ZHX3: variants seen among roughly 807,000 people sequenced by gnomAD.
ZHX3 encodes the protein zinc fingers and homeoboxes protein 3.
Under a neutral mutation model 64.5 loss-of-function variants are expected in ZHX3, and 20 were observed. The observed-to-expected ratio is 0.31, with a 90% CI of 0.22 to 0.45. ZHX3 has a LOEUF of 0.45. Ranked by LOEUF, ZHX3 falls within the 20% of genes least tolerant of loss-of-function variation. The probability of loss-of-function intolerance (pLI) is 1.00; values close to 1 mark genes in which losing one functional copy is unlikely to be tolerated. For missense variants in ZHX3, 1,041 were observed against 1,195.8 expected (o/e 0.87, Z 1.91); for synonymous variants, 423 against 461.6 (o/e 0.92, Z 1.07).
intron 2 of ZHX3, among the ~76,000 whole-genome samples, chr20:41,264,054 A>C (rs2146583126): frequency 6.6e-6 from 1 of 152,296 alleles, no homozygotes; most frequent in East Asian, 1.9e-4. Context: ...TTTTAATCAA[A>C]AATGTAAAAT....
At chr20:41,305,887 ATC>A (rs1264618298) in intron 1 of ZHX3, among the ~76,000 whole-genome samples, 1 of 152,182 alleles carries the variant, frequency 6.6e-6, no homozygotes, top group Non-Finnish European at 1.5e-5. Flanking sequence ...GCAAAAAGTA[ATC>A]TTCTACTATT....
At chr20:41,295,498 A>C (rs2044463105) in intron 1 of ZHX3, among the ~76,000 whole-genome samples, 1 of 152,206 alleles carries the variant, frequency 6.6e-6, no homozygotes. Flanking sequence ...AATTTTCTAG[A>C]GTATTAGAAT....
chr20:41,241,634 G>A (rs1053314559), intron 2 of ZHX3, among the ~76,000 whole-genome samples: 8 of 152,154 alleles, frequency 5.3e-5, no homozygotes, highest in African/African-American at 1.7e-4. Flanking sequence ...ATATCATGCT[G>A]TTTTGGTTAC....
At position 41,204,410 on chromosome 20, in the gene ZHX3, A is replaced by C. The variant is rs1303029105; in HGVS notation, c.507T>G (p.Ser169Arg). Residue 169 changes from serine (S) to arginine (R), a missense_variant, in exon 3 of 4, where the codon AGT (serine) becomes AGG (arginine). Transcript: ENST00000683867. This position sits in a 1 kb window ranked among gnomAD's most constrained non-coding sequence, Gnocchi z 6.6. Reference sequence around the variant, plus strand: ...CTGCCTGTCCATCAGCCCCTTCAGCACTGGGCTCACCCGCTAGGTCAGGAG... The same window carrying C: ...CTGCCTGTCCATCAGCCCCTTCAGCCCTGGGCTCACCCGCTAGGTCAGGAG... ...TSTPDLAGEP[S>R]AEGADGQAEI... The C allele has an allele frequency of 6.2e-7, 1 of 1,614,170 alleles. No homozygotes were observed. The highest frequency in any genetic ancestry group is 2.2e-5 in the East Asian group (1 of 44,878).
chr20:41,216,107 T>TA (rs1183039944), intron 2 of ZHX3, among the ~76,000 whole-genome samples: 1 of 152,174 alleles, frequency 6.6e-6, no homozygotes, highest in Non-Finnish European at 1.5e-5. Context: ...GACATGAATA[T>TA]AGTCTTGAGT....
At chr20:41,295,700 A>C (rs576042754) in intron 1 of ZHX3, among the ~76,000 whole-genome samples, 15 of 152,204 alleles carry the variant, frequency 9.9e-5, no homozygotes, top group Non-Finnish European at 1.8e-4. Context: ...AATACAAAAA[A>C]GTTAGCCAGG....
Position 41,287,152 on chromosome 20 carries a change from T to C in ZHX3, c.-244-18069A>G, listed in dbSNP as rs145071819. ...CTTTGACTTACTATTCATTCTGATT[T>C]GAATAACAGGAATCAATCATTTATC... On this transcript the variant is annotated intron_variant, in intron 1 of 3. Coordinates refer to ENST00000683867, the MANE Select transcript of ZHX3 (RefSeq NM_001384317.1). Among the ~76,000 whole-genome samples the C allele has an allele frequency of 3.3e-4, 50 of 152,320 alleles. No homozygotes were observed. In the East Asian group the frequency reaches 9.5e-3, roughly 29 times the overall value.
Position 41,183,530 on chromosome 20 carries a change from C to T in ZHX3, c.*1661G>A, listed in dbSNP as rs1471924188. ...GCTTGTCCTTGGAGCCACATGAGCACGGTGCCCTGCCAGGTCCAGTTCCCT... is the reference window on the plus strand; with the variant it reads ...GCTTGTCCTTGGAGCCACATGAGCATGGTGCCCTGCCAGGTCCAGTTCCCT... On this transcript the variant is annotated 3_prime_UTR_variant, in exon 4 of 4. Coordinates refer to ENST00000683867, the MANE Select transcript of ZHX3 (RefSeq NM_001384317.1). The surrounding 1 kb of genome is among the most constrained non-coding windows in gnomAD (Gnocchi z 5.3). 6.6e-6 allele frequency: 1 copy of T among 152,230 alleles called. No homozygotes were observed. Among genetic ancestry groups the T allele is most frequent in the Admixed American group, 6.5e-5 (1 of 15,286 alleles). The allele number at this position is 152,230 out of a possible 1,614,324, so 9.4% of individuals were successfully genotyped here. A position where few individuals can be genotyped will look rare whatever the true frequency, so the allele number is the denominator to read the frequency against.
intron 1 of ZHX3, among the ~76,000 whole-genome samples, chr20:41,273,266 TTTTG>T (rs150784395): frequency 0.012 from 1,808 of 152,294 alleles, 17 homozygotes; most frequent in Non-Finnish European, 0.02. Flanking sequence ...TTTCGTTTTG[TTTTG>T]TTTGTTTTTT....
chr20:41,208,750 A>G (rs1424936351), intron 2 of ZHX3, among the ~76,000 whole-genome samples: 1 of 152,210 alleles, frequency 6.6e-6, no homozygotes, highest in Non-Finnish European at 1.5e-5. Flanking sequence ...GAATGGGCAA[A>G]AACTGGAAGC....
At chr20:41,295,783 G>A (rs112664369) in intron 1 of ZHX3, among the ~76,000 whole-genome samples, 2,251 of 151,882 alleles carry the variant, frequency 0.015, 31 homozygotes, top group Non-Finnish European at 0.023. Context: ...CCCGGGAGGC[G>A]GAGCTTGCAG....
chr20:41,298,359 T>C (rs1245290791), intron 1 of ZHX3, among the ~76,000 whole-genome samples: 3 of 152,202 alleles, frequency 2.0e-5, no homozygotes, highest in Non-Finnish European at 4.4e-5. Context: ...GTAGCAGTCC[T>C]TAGCACAGTG....
intron 1 of ZHX3, among the ~76,000 whole-genome samples, chr20:41,279,551 TC>T (rs1425123655): frequency 1.3e-5 from 2 of 152,202 alleles, no homozygotes; most frequent in Admixed American, 6.5e-5. Context: ...TTTGAGGACT[TC>T]TTGTTCATCA....
At chr20:41,254,242 A>G (rs771685702) in intron 2 of ZHX3, among the ~76,000 whole-genome samples, 2 of 152,138 alleles carry the variant, frequency 1.3e-5, no homozygotes, top group Admixed American at 6.6e-5. Flanking sequence ...TTATTCATCT[A>G]TTTGCTTATT....
At chr20:41,277,947 A>T (rs2043475397) in intron 1 of ZHX3, among the ~76,000 whole-genome samples, 1 of 125,004 alleles carries the variant, frequency 8.0e-6, no homozygotes, top group Non-Finnish European at 1.6e-5. Context: ...AGTGTAGGGG[A>T]TGGAAAGATT....
At position 41,203,677 on chromosome 20, in the gene ZHX3, C is replaced by T. The variant is rs763088241; in HGVS notation, c.1240G>A (p.Val414Ile). 1.9e-5 allele frequency: 31 copies of T among 1,614,020 alleles called. No homozygotes were observed. Among genetic ancestry groups the T allele is most frequent in the African/African-American group, 4.0e-5 (3 of 74,938 alleles). Residue 414 changes from valine (V) to isoleucine (I), a missense_variant, in exon 3 of 4, where the codon GTT (valine) becomes ATT (isoleucine). Around this residue, in one of 4 missense-constraint regions of ZHX3, gnomAD observed 649 missense variants for 739.8 expected, o/e 0.88. Transcript: ENST00000683867. This position sits in a 1 kb window ranked among gnomAD's most constrained non-coding sequence, Gnocchi z 7.1. ...HLIQAALPGHVVGQPEGTGGG... is the reference protein window; with the variant it reads ...HLIQAALPGHIVGQPEGTGGG... ...CCTGTACCCTCTGGCTGCCCCACAA[C>T]GTGACCTGGAAGAGCGGCCTGGATG...
chr20:41,290,874 T>C (rs950114993), intron 1 of ZHX3, among the ~76,000 whole-genome samples: 5 of 152,200 alleles, frequency 3.3e-5, no homozygotes, highest in Non-Finnish European at 5.9e-5. Flanking sequence ...CCTCTCCCAC[T>C]TTCTTCATCT....
intron 1 of ZHX3, among the ~76,000 whole-genome samples, chr20:41,313,593 CT>C (rs58599783): frequency 3.3e-3 from 342 of 103,762 alleles, no homozygotes; most frequent in African/African-American, 7.8e-3. Flanking sequence ...ACTTTTAGGC[CT>C]TTTTTTTTTT....
At chr20:41,316,035 A>G (rs2045279610) in intron 1 of ZHX3, among the ~76,000 whole-genome samples, 1 of 151,894 alleles carries the variant, frequency 6.6e-6, no homozygotes, top group South Asian at 2.1e-4. Flanking sequence ...CAAACTCAAA[A>G]CCAAAAACCA....
Sources: gnomAD v4.1 joint callset for allele counts (sites outside exome capture counted in the v4.1 genomes callset) on GRCh38, gnomAD v4.1.1 for gene constraint, gnomAD v4.1.1 regional missense constraint, Gnocchi (gnomAD v3.1) non-coding constraint, MANE v1.5 for transcripts, NCBI Gene and HGNC (gene_info 2026-07-23, HGNC 2026-07-21) for gene names.